HJV: variants seen among roughly 807,000 people sequenced by gnomAD.
The protein encoded by HJV is hemojuvelin BMP co-receptor, also known as hemojuvelin.
A neutral mutation model predicts 22.7 loss-of-function variants in HJV; 18 were observed. That is an observed-to-expected ratio of 0.79 (90% CI 0.55 to 1.18). The LOEUF is 1.18. HJV is among the 50% of genes most tolerant of loss of function. The probability of loss-of-function intolerance (pLI) is 0.00; values close to 1 mark genes in which losing one functional copy is unlikely to be tolerated. For synonymous variants in HJV, 229 were observed against 222.7 expected, an observed-to-expected ratio of 1.03 and a Z score of -0.25; for missense variants, 572 against 553.0, an observed-to-expected ratio of 1.03 and a Z score of -0.34.
chr1:146,018,953 G>C (rs782467657), intron 3 of HJV, among the ~76,000 whole-genome samples: 4 of 152,174 alleles, frequency 2.6e-5, no homozygotes, highest in Non-Finnish European at 4.4e-5. Flanking sequence ...CGCCCTCTCC[G>C]ACTGTCTCTT....
Position 146,019,428 on chromosome 1 carries a change from A to C in HJV, c.404T>G (p.Leu135Arg), listed in dbSNP as rs782182681. Residue 135 changes from leucine to arginine, a missense_variant, in exon 3 of 4, where the codon CTT becomes CGT. Coordinates refer to ENST00000336751, the MANE Select transcript of HJV (RefSeq NM_213653.4). ...TAPPPPRGPA[L>R]PGAGSGLPAP... ...AGGGAGGCCGGAGCCCGCGCCTGGAAGGGCGGGGCCCCGGGGCGGGGGAGG... is the reference window on the plus strand; with the variant it reads ...AGGGAGGCCGGAGCCCGCGCCTGGACGGGCGGGGCCCCGGGGCGGGGGAGG... The C allele has an allele frequency of 1.9e-6, 3 of 1,612,174 alleles. No homozygotes were observed. The Admixed American group carries it at 5.0e-5, about 27-fold the overall frequency.
rs1442526671 is a variant in HJV, at chr1:146,018,251, A to C, written c.1107T>G (p.Gly369=). The change falls in exon 4 of 4, where the codon GGT becomes GGG. Residue 369 remains glycine, a synonymous_variant. Coordinates refer to ENST00000336751, the MANE Select transcript of HJV (RefSeq NM_213653.4). ...HSCVFDVLIS[G]DPNFTVAAQA... ...GAGCTGCCACGGTAAAGTTGGGATC[A>C]CCAGAAATTAAAACATCAAAGACAC... The C allele has an allele frequency of 1.9e-6, 3 of 1,614,100 alleles. No homozygotes were observed. The highest frequency in any genetic ancestry group is 2.5e-6 in the Non-Finnish European group (3 of 1,180,044).
In HJV at chr1:146,018,566, C is replaced by A. The variant is rs35710964; in HGVS notation, c.792G>T (p.Ser264=). The change falls in exon 4 of 4, where the codon TCG becomes TCT. Residue 264 remains serine (S), a synonymous_variant. Coordinates refer to ENST00000336751, the MANE Select transcript of HJV (RefSeq NM_213653.4). ...GGTTCCCAGGGTTAGCAGTTTGAAT[C>A]GACAAACTGGATCCCCCAGGTCGGT... is the stretch of plus-strand genomic sequence containing the variant. ...GGDRPGGSSL[S]IQTANPGNHV... 1 of 1,614,146 alleles carries A rather than the reference C, an allele frequency of 6.2e-7. No individual in the cohort carries two copies. The highest frequency in any genetic ancestry group is 8.5e-7 in the Non-Finnish European group (1 of 1,180,030).
At chr1:146,021,339 C>G (rs1333273853) in intron 1 of HJV, among the ~76,000 whole-genome samples, 2 of 152,058 alleles carry the variant, frequency 1.3e-5, no homozygotes, top group African/African-American at 4.8e-5. Context: ...CATCAGGAGT[C>G]TTGAGGTAAT....
chr1:146,020,565 C>A (rs1439794896), intron 1 of HJV, among the ~76,000 whole-genome samples: 1 of 152,086 alleles, frequency 6.6e-6, no homozygotes, highest in Admixed American at 6.5e-5. Flanking sequence ...CTCAAGGGGG[C>A]AGAGTCCACT....
chr1:146,020,424 T>C, intron 1 of HJV, 104 bp from the exon 2 acceptor site: 1 of 569,824 alleles, frequency 1.8e-6, no homozygotes, highest in East Asian at 3.0e-5. Flanking sequence ...ATGAACAGAC[T>C]GGAATTTGGG....
chr1:146,020,026 C>T, intron 2 of HJV, 109 bp downstream of exon 2: 1 of 873,218 alleles, frequency 1.1e-6, no homozygotes, highest in South Asian at 1.4e-5. Flanking sequence ...GGCGAGTGAT[C>T]GGGACTCTCA....
At position 146,019,359 on chromosome 1, in the gene HJV, T is replaced by C; in HGVS notation, c.473A>G (p.His158Arg). The change falls in exon 3 of 4, where the codon CAT (histidine) becomes CGT (arginine). Residue 158 changes from histidine (H) to arginine (R), a missense_variant. Coordinates refer to ENST00000336751, the MANE Select transcript of HJV (RefSeq NM_213653.4). ...CDYEGRFSRL[H>R]GRPPGFLHCA... ...ATGCAAGAACCCCGGGGGACGACCA[T>C]GCAGCCGGGAAAACCGGCCTTCATA... is the stretch of plus-strand genomic sequence containing the variant. 8 of 1,613,744 alleles carry C rather than the reference T, an allele frequency of 5.0e-6. No homozygotes were observed. The highest frequency in any genetic ancestry group is 5.9e-6 in the Non-Finnish European group (7 of 1,180,020).
Position 146,020,271 on chromosome 1 carries a change from G to T in HJV, c.-40C>A. ...GTTTCCCAGGCGCCGGTTCTTCCCA[G>T]CTGATGACCCTCCTACCTAGTGAAT... On this transcript the variant is annotated 5_prime_UTR_variant, in exon 2 of 4. The change creates a new upstream start codon in the 5' untranslated region. Coordinates refer to ENST00000336751, the MANE Select transcript of HJV (RefSeq NM_213653.4). The T allele has an allele frequency of 7.8e-7, 1 of 1,288,506 alleles. No homozygotes were observed. Among genetic ancestry groups the T allele is most frequent in the Non-Finnish European group, 1.1e-6 (1 of 882,896 alleles). 79.8% of individuals were successfully genotyped at this position (1,288,506 alleles called of 1,614,324 possible).
rs1458536234 is a variant in HJV at position 146,018,578 on chromosome 1, TC to T, written c.779del (p.Gly260AspfsTer26). 6.2e-7 allele frequency: 1 copy of T among 1,614,136 alleles called. No individual in the cohort carries two copies. Among genetic ancestry groups the T allele is most frequent in the Admixed American group, 1.7e-5 (1 of 60,014 alleles). On this transcript the variant is annotated frameshift_variant, in exon 4 of 4. Coordinates refer to ENST00000336751, the MANE Select transcript of HJV (RefSeq NM_213653.4). LOFTEE classifies it high-confidence loss of function. ...TAGCAGTTTGAATCGACAAACTGGA[TC>T]CCCCAGGTCGGTCACCTCCATTGAT... ...GSINGGDRPG[G>X]SSLSIQTANP...
chr1:146,018,490 T>A lies in HJV; in HGVS notation c.868A>T (p.Thr290Ser). The change falls in exon 4 of 4, where the codon ACA (threonine) becomes TCA (serine). Residue 290 changes from threonine (T) to serine (S), a missense_variant. Transcript: ENST00000336751. ...YIGTTIIIRQ[T>S]AGQLSFSIKV... ...ATGGAGAAGGAGAGCTGCCCAGCTGTCTGCCGAATGATTATAGTTGTGCCA... is the reference window on the plus strand; with the variant it reads ...ATGGAGAAGGAGAGCTGCCCAGCTGACTGCCGAATGATTATAGTTGTGCCA... 6.2e-7 allele frequency: 1 copy of A among 1,614,206 alleles called. No homozygotes were observed. The highest frequency in any genetic ancestry group is 8.5e-7 in the Non-Finnish European group (1 of 1,180,024).
chr1:146,019,315 G>T lies in HJV; in HGVS notation c.517C>A (p.Pro173Thr). The T allele has an allele frequency of 1.2e-6, 2 of 1,613,838 alleles. No homozygotes were observed. Among genetic ancestry groups the T allele is most frequent in the Non-Finnish European group, 8.5e-7 (1 of 1,180,040 alleles). The change falls in exon 3 of 4, where the codon CCC becomes ACC. Residue 173 changes from proline (P) to threonine (T), a missense_variant. Transcript: ENST00000336751. ...GFLHCASFGD[P>T]HVRSFHHHFH... ...TGATGGTGGAAGCTGCGCACATGGG[G>T]GTCCCCGAAGGAAGCGCAATGCAAG...
Position 146,018,204 on chromosome 1 carries a change from C to G in HJV, c.1154G>C (p.Arg385Pro). The change falls in exon 4 of 4, where the codon CGA becomes CCA. Residue 385 changes from arginine to proline, a missense_variant. Transcript: ENST00000336751. ...VAAQAALEDA[R>P]AFLPDLEKLH... ...CTTCTCTAAGTCTGGCAGGAAGGCTCGGGCATCCTCCAGTGCTGCCTGAGC... is the reference window on the plus strand; with the variant it reads ...CTTCTCTAAGTCTGGCAGGAAGGCTGGGGCATCCTCCAGTGCTGCCTGAGC... The G allele has an allele frequency of 6.2e-7, 1 of 1,614,118 alleles. No individual in the cohort carries two copies. Among genetic ancestry groups the G allele is most frequent in the Non-Finnish European group, 8.5e-7 (1 of 1,180,036 alleles).
In HJV at chr1:146,020,244, A is replaced by G. The variant is rs782603448; in HGVS notation, c.-13T>C. ...CTGGCTCCCCCATACCTATCCAGCCAGGTTTCCCAGGCGCCGGTTCTTCCC... is the reference window on the plus strand; with the variant it reads ...CTGGCTCCCCCATACCTATCCAGCCGGGTTTCCCAGGCGCCGGTTCTTCCC... On this transcript the variant is annotated 5_prime_UTR_variant, in exon 2 of 4. Transcript: ENST00000336751. 21 of 1,563,960 alleles carry G rather than the reference A, an allele frequency of 1.3e-5. No homozygotes were observed. Among genetic ancestry groups the G allele is most frequent in the Admixed American group, 6.7e-5 (4 of 59,946 alleles).
intron 2 of HJV, 68 bp from the exon 3 acceptor site, chr1:146,019,802 T>C: frequency 6.2e-7 from 1 of 1,612,334 alleles, no homozygotes. Context: ...TGTAGTTTGC[T>C]CATAACTCTT....
intron 1 of HJV, 59 bp from the exon 2 acceptor site, chr1:146,020,379 T>C (rs1652653633): frequency 1.5e-6 from 1 of 679,802 alleles, no homozygotes; most frequent in Admixed American, 2.1e-5. Flanking sequence ...TTGGTAAGGA[T>C]AATGTGGAGT....
chr1:146,019,443 G>C lies in HJV; in HGVS notation c.389C>G (p.Pro130Arg), dbSNP rs782646465. 1.2e-5 allele frequency: 20 copies of C among 1,612,170 alleles called. No individual in the cohort carries two copies. The highest frequency in any genetic ancestry group is 1.6e-5 in the Non-Finnish European group (19 of 1,179,510). The change falls in exon 3 of 4, where the codon CCC becomes CGC. Residue 130 changes from proline (P) to arginine (R), a missense_variant. Transcript: ENST00000336751. ...CGCGCCTGGAAGGGCGGGGCCCCGG[G>C]GCGGGGGAGGGGCTGTAGGGCCCTG... ...SRQGPTAPPP[P>R]RGPALPGAGS... is the part of the protein sequence containing the mutation.
Position 146,019,151 on chromosome 1 carries a change from C to G in HJV, c.657+24G>C, listed in dbSNP as rs587763796. ...CGTGGAAGAATCTCATGAGGTGGAT[C>G]GGAAGGAAGATTGAGTGCCTGACCT... On this transcript the variant is annotated intron_variant, in intron 3 of 3. Coordinates refer to ENST00000336751, the MANE Select transcript of HJV (RefSeq NM_213653.4). 352 of 1,575,064 alleles carry G rather than the reference C, an allele frequency of 2.2e-4. 1 individual carries two copies. In the South Asian group the frequency reaches 3.6e-3, roughly 16 times the overall value.
Position 146,019,430 on chromosome 1 carries a change from G to A in HJV, c.402C>T (p.Ala134=), listed in dbSNP as rs782165455. 33 of 1,612,334 alleles carry A rather than the reference G, an allele frequency of 2.0e-5. No homozygotes were observed. The highest frequency in any genetic ancestry group is 2.6e-5 in the Non-Finnish European group (31 of 1,179,402). ...GGAGGCCGGAGCCCGCGCCTGGAAG[G>A]GCGGGGCCCCGGGGCGGGGGAGGGG... ...PTAPPPPRGP[A]LPGAGSGLPA... The change falls in exon 3 of 4, where the codon GCC becomes GCT. Residue 134 remains alanine (A), a synonymous_variant. Transcript: ENST00000336751.
Sources: allele counts gnomAD v4.1 joint callset (sites outside exome capture counted in the v4.1 genomes callset), GRCh38; gene constraint gnomAD v4.1.1; transcripts MANE v1.5; gene names NCBI Gene and HGNC (gene_info 2026-07-23, HGNC 2026-07-21).